The following PCDH19 variants were observed in gnomAD, a reference collection of about 807,000 sequenced individuals.
The protein encoded by PCDH19 is protocadherin-19.
PCDH19 carries 6 observed loss-of-function variants against 46.2 expected under a neutral mutation model. That is an observed-to-expected ratio of 0.13 (90% CI 0.07 to 0.26). PCDH19 has a LOEUF of 0.26. PCDH19 is among the 10% of genes least tolerant of loss of function. PCDH19 has a pLI of 1.00. For synonymous variants in PCDH19, 481 were observed against 415.7 expected, an observed-to-expected ratio of 1.16 and a Z score of -1.91; for missense variants, 740 against 972.3, an observed-to-expected ratio of 0.76 and a Z score of 3.18.
At position 100,310,633 on chromosome X, in the gene PCDH19, T is replaced by C. The variant is rs774038620; in HGVS notation, c.2849-13758A>G. Among the ~76,000 whole-genome samples the C allele has an allele frequency of 4.5e-5, 5 of 110,060 alleles. No homozygotes were observed. In the East Asian group the frequency reaches 8.7e-4, roughly 19 times the overall value. On this transcript the variant is annotated intron_variant, in intron 5 of 5. Coordinates refer to ENST00000373034, the MANE Select transcript of PCDH19 (RefSeq NM_001184880.2). The stretch of plus-strand genomic sequence containing the variant: ...TGAGATACTACAACTCTGAAAAACA[T>C]AGGACCGTTTTTGAAAGTTTCATAT...
chrX:100,355,657 T>C (rs986971278), intron 3 of PCDH19, among the ~76,000 whole-genome samples: 1 of 111,541 alleles, frequency 9.0e-6, no homozygotes, highest in Non-Finnish European at 1.9e-5. Flanking sequence ...CTTTGTGCAA[T>C]GTTTTGATTT....
intron 3 of PCDH19, among the ~76,000 whole-genome samples, chrX:100,399,483 T>TACAA (rs1411307204): frequency 2.7e-5 from 3 of 112,006 alleles, no homozygotes; most frequent in Admixed American, 9.4e-5. Flanking sequence ...AGCAGTGCCT[T>TACAA]ACAAAGAGTA....
Position 100,408,538 on chromosome X carries a change from G to C in PCDH19, c.60C>G (p.Ala20=). 8.4e-7 allele frequency: 1 copy of C among 1,196,930 alleles called. No individual in the cohort carries two copies. The highest frequency in any genetic ancestry group is 1.1e-6 in the Non-Finnish European group (1 of 891,755). The change falls in exon 1 of 6, where the codon GCC becomes GCG. Residue 20 remains alanine (A), a synonymous_variant. Transcript: ENST00000373034. ...CCGAGTACTTGAGATTAATGAGGGCGGCAGCCTGCGTCCACAGTATGGCCA... is the reference window on the plus strand; with the variant it reads ...CCGAGTACTTGAGATTAATGAGGGCCGCAGCCTGCGTCCACAGTATGGCCA... ...LLLAILWTQA[A]ALINLKYSVE...
intron 3 of PCDH19, among the ~76,000 whole-genome samples, chrX:100,391,796 G>A (rs1382217358): frequency 8.9e-6 from 1 of 111,837 alleles, no homozygotes; most frequent in African/African-American, 3.3e-5. Flanking sequence ...TCTCTTTTAT[G>A]AGGTTTTTAA....
At chrX:100,331,752 C>A (rs906283414) in intron 5 of PCDH19, among the ~76,000 whole-genome samples, 1 of 111,621 alleles carries the variant, frequency 9.0e-6, no homozygotes, top group African/African-American at 3.3e-5. Flanking sequence ...TTCCCTCATT[C>A]TCTCTCTCTC....
rs963358144 is a variant in PCDH19, at chrX:100,409,699, C to A, written c.-1102G>T. Reference sequence around the variant, plus strand: ...CTTCTCTCCGTTTGGGCTGGGGTGTCGCTCCAAGGTCCGCCGCCGCCGCCG... The same window carrying A: ...CTTCTCTCCGTTTGGGCTGGGGTGTAGCTCCAAGGTCCGCCGCCGCCGCCG... On this transcript the variant is annotated 5_prime_UTR_variant, in exon 1 of 6. Transcript: ENST00000373034. 44 of 242,149 alleles carry A rather than the reference C, an allele frequency of 1.8e-4. 1 individual carries two copies. The highest frequency in any genetic ancestry group is 2.6e-4 in the Non-Finnish European group (36 of 137,095). The allele number at this position is 242,149 out of a possible 1,213,427, so 20.0% of individuals were successfully genotyped here.
intron 4 of PCDH19, among the ~76,000 whole-genome samples, chrX:100,346,843 T>C (rs769083446): frequency 1.9e-5 from 2 of 107,755 alleles, no homozygotes; most frequent in East Asian, 2.9e-4. Context: ...CCCAAAGCAC[T>C]GTAGGAGTGG....
At chrX:100,365,828 G>A (rs1484202343) in intron 3 of PCDH19, among the ~76,000 whole-genome samples, 1 of 112,072 alleles carries the variant, frequency 8.9e-6, no homozygotes, top group Non-Finnish European at 1.9e-5. Flanking sequence ...CATGGATTCA[G>A]AACTGAGCTC....
rs185445770 is a variant in PCDH19 at position 100,300,641 on chromosome X, A to C, written c.2849-3766T>G. Among the ~76,000 whole-genome samples, 590 of 111,702 alleles carry C rather than the reference A, an allele frequency of 5.3e-3. 5 individuals are homozygous for C. The highest frequency in any genetic ancestry group is 0.018 in the African/African-American group (567 of 30,771). ...CTTTAATTTAAACATACTCATGATG[A>C]GGGTTGACTGATGAATTTGTAAATT... is the stretch of plus-strand genomic sequence containing the variant. On this transcript the variant is annotated intron_variant, in intron 5 of 5. Coordinates refer to ENST00000373034, the MANE Select transcript of PCDH19 (RefSeq NM_001184880.2).
intron 3 of PCDH19, among the ~76,000 whole-genome samples, chrX:100,371,849 T>C (rs1602613942): frequency 2.5e-5 from 2 of 80,758 alleles, no homozygotes; most frequent in Admixed American, 1.3e-4. Context: ...CAAATGACTA[T>C]ACACACACAC....
At chrX:100,347,893 T>C (rs1192854972) in intron 4 of PCDH19, among the ~76,000 whole-genome samples, 1 of 104,013 alleles carries the variant, frequency 9.6e-6, no homozygotes, top group African/African-American at 3.5e-5. Context: ...CGAAACCCCA[T>C]CTCTACTAAA....
At chrX:100,358,701 T>G (rs946906914) in intron 3 of PCDH19, among the ~76,000 whole-genome samples, 7 of 112,283 alleles carry the variant, frequency 6.2e-5, no homozygotes, top group African/African-American at 1.9e-4. Context: ...TTCTAAGTCC[T>G]TTGTGGGGCA....
intron 3 of PCDH19, among the ~76,000 whole-genome samples, chrX:100,388,793 TTG>T (rs1419348814): frequency 9.0e-6 from 1 of 111,175 alleles, no homozygotes; most frequent in Non-Finnish European, 1.9e-5. Context: ...TATCAAATCG[TTG>T]TCTGTGATTC....
At chrX:100,383,388 A>C (rs1013618457) in intron 3 of PCDH19, among the ~76,000 whole-genome samples, 1 of 112,161 alleles carries the variant, frequency 8.9e-6, no homozygotes, top group African/African-American at 3.2e-5. Context: ...ACCGTATCTA[A>C]GAAAACATGG....
chrX:100,354,463 T>A (rs190631053), intron 3 of PCDH19, among the ~76,000 whole-genome samples: 2 of 111,665 alleles, frequency 1.8e-5, no homozygotes, highest in African/African-American at 6.5e-5. Flanking sequence ...ACTGGGTGAT[T>A]TTTTTAAAAA....
In PCDH19 at chrX:100,409,894, T is replaced by G; in HGVS notation, c.-1297A>C. ...CTGGCCGCGCTGCGTTGGGCTCCCT[T>G]CCTCCCGGGCGCTCGCGCACTCGGG... On this transcript the variant is annotated 5_prime_UTR_variant, in exon 1 of 6. Coordinates refer to ENST00000373034, the MANE Select transcript of PCDH19 (RefSeq NM_001184880.2). 3.2e-6 allele frequency: 1 copy of G among 313,461 alleles called. No individual in the cohort carries two copies. The highest frequency in any genetic ancestry group is 5.5e-6 in the Non-Finnish European group (1 of 182,621). 25.8% of individuals were successfully genotyped at this position (313,461 alleles called of 1,213,427 possible).
intron 5 of PCDH19, among the ~76,000 whole-genome samples, chrX:100,323,507 T>C (rs1425878222): frequency 9.0e-6 from 1 of 111,651 alleles, no homozygotes; most frequent in Non-Finnish European, 1.9e-5. Flanking sequence ...AATAGATCAT[T>C]TCACCTCTGG....
intron 5 of PCDH19, among the ~76,000 whole-genome samples, chrX:100,306,876 G>GT (rs951092250): frequency 3.6e-5 from 4 of 111,471 alleles, no homozygotes; most frequent in Admixed American, 9.5e-5. Flanking sequence ...ATAGAAACTC[G>GT]TAACAGACCA....
At chrX:100,312,524 T>C (rs928009342) in intron 5 of PCDH19, among the ~76,000 whole-genome samples, 11 of 111,894 alleles carry the variant, frequency 9.8e-5, no homozygotes, top group South Asian at 3.8e-4. Flanking sequence ...GTCCGCTTAA[T>C]TATACTAGTC....
Sources: gnomAD v4.1 joint callset for allele counts (sites outside exome capture counted in the v4.1 genomes callset) on GRCh38, gnomAD v4.1.1 for gene constraint, MANE v1.5 for transcripts, NCBI Gene and HGNC (gene_info 2026-07-23, HGNC 2026-07-21) for gene names.